The following PIGN variants were observed in gnomAD, a reference collection of about 807,000 sequenced individuals.
The protein encoded by PIGN is GPI ethanolamine phosphate transferase 1.
In PIGN, 117 loss-of-function variants were observed where a neutral mutation model predicts 125.4. The observed-to-expected ratio is 0.93, with a 90% CI of 0.80 to 1.09. The LOEUF (loss-of-function observed/expected upper bound fraction) is 1.09, where lower values mean the gene tolerates loss of function less well. Ranked by LOEUF, PIGN falls within the 50% of genes least tolerant of loss-of-function variation. PIGN has a pLI of 0.00. For missense variants in PIGN, 1,075 were observed against 1,094.9 expected, an observed-to-expected ratio of 0.98 and a Z score of 0.26; for synonymous variants, 392 against 377.8, an observed-to-expected ratio of 1.04 and a Z score of -0.44.
At chr18:62,025,875 T>C (rs1344501437) in intron 23 of PIGN, among the ~76,000 whole-genome samples, 1 of 152,214 alleles carries the variant, frequency 6.6e-6, no homozygotes, top group Non-Finnish European at 1.5e-5. Context: ...ACTGCCCCTG[T>C]CTTAATTCAA....
At chr18:62,048,741 GTGCACAATGTGCAGGTT>G (rs1421312837) in intron 30 of PIGN, among the ~76,000 whole-genome samples, 1 of 145,278 alleles carries the variant, frequency 6.9e-6, no homozygotes, top group Non-Finnish European at 1.5e-5. Context: ...TAGGGTACAT[GTGCACAATGTGCAGGTT>G]AGTTACATAT....
At chr18:62,063,237 C>CCAAAATCTATGGTTTTATAGATTTTATA (rs1568131969) in intron 30 of PIGN, among the ~76,000 whole-genome samples, 3,278 of 129,716 alleles carry the variant, frequency 0.025, no homozygotes, top group Middle Eastern at 0.039. Flanking sequence ...TAGATTTTAT[C>CCAAAATCTATGGTTTTATAGATTTTATA]CAAAATCTAT....
At chr18:62,049,715 T>A (rs2031095316) in intron 30 of PIGN, among the ~76,000 whole-genome samples, 1 of 151,268 alleles carries the variant, frequency 6.6e-6, no homozygotes, top group Non-Finnish European at 1.5e-5. Context: ...TAGATCCCAT[T>A]TGTCAATTTT....
At chr18:62,158,476 TGA>T (rs1224956596) in intron 4 of PIGN, among the ~76,000 whole-genome samples, 1 of 152,176 alleles carries the variant, frequency 6.6e-6, no homozygotes, top group Non-Finnish European at 1.5e-5. Flanking sequence ...TCCCCAAATT[TGA>T]GATTAAAACA....
chr18:62,158,989 C>A (rs940127456), intron 4 of PIGN, among the ~76,000 whole-genome samples: 2 of 152,212 alleles, frequency 1.3e-5, no homozygotes, highest in Non-Finnish European at 2.9e-5. Context: ...CGGTGGCTCA[C>A]GCCTGTAATC....
intron 28 of PIGN, among the ~76,000 whole-genome samples, chr18:62,076,816 T>C (rs2033196015): frequency 6.6e-6 from 1 of 152,256 alleles, no homozygotes; most frequent in African/African-American, 2.4e-5. Flanking sequence ...TTCAGACACA[T>C]AATAAAGTGT....
At chr18:62,133,858 CATA>C (rs765273948) in intron 14 of PIGN, among the ~76,000 whole-genome samples, 10 of 152,112 alleles carry the variant, frequency 6.6e-5, no homozygotes, top group Non-Finnish European at 1.3e-4. Context: ...TACACAAGGG[CATA>C]ATAACTCTTT....
At chr18:62,162,569 A>C (rs2036993489) in intron 2 of PIGN, 1 of 152,154 alleles carries the variant, frequency 6.6e-6, no homozygotes, top group Admixed American at 6.5e-5. Context: ...GCAGATTATA[A>C]AAAAGAAAAC....
chr18:62,046,881 G>GT (rs1568112645), intron 30 of PIGN, among the ~76,000 whole-genome samples: 1 of 152,150 alleles, frequency 6.6e-6, no homozygotes, highest in Admixed American at 6.5e-5. Context: ...ATAAACAAAC[G>GT]TAAGACGACT....
chr18:62,040,552 T>A (rs1451954447), downstream of PIGN, among the ~76,000 whole-genome samples: 1 of 152,214 alleles, frequency 6.6e-6, no homozygotes, highest in African/African-American at 2.4e-5. Context: ...GTACATACTG[T>A]CAGCTTATCA....
chr18:62,145,626 A>G (rs1382002097), intron 10 of PIGN, among the ~76,000 whole-genome samples: 2 of 152,182 alleles, frequency 1.3e-5, no homozygotes, highest in Non-Finnish European at 2.9e-5. Flanking sequence ...CCTCACATTC[A>G]AATTAATAAA....
chr18:62,130,025 G>A lies in PIGN; in HGVS notation c.1172+8218C>T, dbSNP rs545570858. Among the ~76,000 whole-genome samples, 7 of 152,284 alleles carry A rather than the reference G, an allele frequency of 4.6e-5. No homozygotes were observed. In the South Asian group the frequency reaches 1.2e-3, roughly 27 times the overall value. On this transcript the variant is annotated intron_variant, in intron 14 of 30. Transcript: ENST00000640252. ...ACAAGGAAGAAGACCACTGATGACAGAGATAGAGAGTAGAATGATAAAGCT... is the reference window on the plus strand; with the variant it reads ...ACAAGGAAGAAGACCACTGATGACAAAGATAGAGAGTAGAATGATAAAGCT...
intron 16 of PIGN, 174 bp from the exon 17 acceptor site, chr18:62,110,147 C>G (rs2034819028): frequency 3.7e-6 from 2 of 541,398 alleles, no homozygotes; most frequent in Non-Finnish European, 6.3e-6. Context: ...ATTTGAGGAG[C>G]ATATTAGAGA....
At chr18:62,072,487 C>T (rs973847289) in intron 30 of PIGN, 186 bp downstream of exon 30, 21 of 456,222 alleles carry the variant, frequency 4.6e-5, no homozygotes, top group African/African-American at 3.0e-4. Context: ...AGTATGATAA[C>T]ATGCTGTACA....
intron 30 of PIGN, among the ~76,000 whole-genome samples, chr18:62,061,742 G>A (rs2032157661): frequency 6.6e-6 from 1 of 152,044 alleles, no homozygotes; most frequent in Non-Finnish European, 1.5e-5. Context: ...TAATATCAGC[G>A]ACATGACAAG....
chr18:62,059,465 TCA>T (rs1471253059), intron 30 of PIGN, among the ~76,000 whole-genome samples: 1 of 152,192 alleles, frequency 6.6e-6, no homozygotes, highest in Non-Finnish European at 1.5e-5. Flanking sequence ...GGAACATTAT[TCA>T]GCAATGAATA....
In PIGN at chr18:62,045,767, T is replaced by C. The variant is rs577754098; in HGVS notation, c.*89A>G. 5.1e-5 allele frequency: 65 copies of C among 1,267,088 alleles called. No homozygotes were observed. In the South Asian group the frequency reaches 6.0e-4, roughly 12 times the overall value. The allele number at this position is 1,267,088 out of a possible 1,614,324, so 78.5% of individuals were successfully genotyped here. On this transcript the variant is annotated 3_prime_UTR_variant, in exon 31 of 31. Transcript: ENST00000640252. ...TTACAGGAGTAGAATATACTATATA[T>C]CCATATCCATCTTCTTATTGAAGCC...
intron 14 of PIGN, among the ~76,000 whole-genome samples, chr18:62,133,517 T>C (rs761307113): frequency 6.6e-6 from 1 of 152,230 alleles, no homozygotes; most frequent in Non-Finnish European, 1.5e-5. Flanking sequence ...TTTTGAGTTA[T>C]ACAAAAATCC....
At chr18:62,158,098 T>C (rs756263518) in intron 4 of PIGN, 11 of 265,534 alleles carry the variant, frequency 4.1e-5, no homozygotes, top group Non-Finnish European at 8.0e-5. Flanking sequence ...AAAACAGAGA[T>C]GGTTTGTTAT....
Sources: gnomAD v4.1 joint callset for allele counts (sites outside exome capture counted in the v4.1 genomes callset) on GRCh38, gnomAD v4.1.1 for gene constraint, MANE v1.5 for transcripts, NCBI Gene and HGNC (gene_info 2026-07-23, HGNC 2026-07-21) for gene names.